SPAG16: variants seen among roughly 807,000 people sequenced by gnomAD.
The protein encoded by SPAG16 is sperm-associated antigen 16 protein.
Under a neutral mutation model 80.4 loss-of-function variants are expected in SPAG16, and 86 were observed. That is an observed-to-expected ratio of 1.07 (90% CI 0.90 to 1.28). The LOEUF (loss-of-function observed/expected upper bound fraction) is 1.28. Among genes scored for constraint, SPAG16 ranks in the 50% most tolerant of loss-of-function variants. The probability of loss-of-function intolerance (pLI) is 0.00; values close to 1 mark genes in which losing one functional copy is unlikely to be tolerated. For synonymous variants in SPAG16, 294 were observed against 265.9 expected (o/e 1.11, Z -1.03); for missense variants, 870 against 765.3 (o/e 1.14, Z -1.61).
chr2:213,449,830 G>T (rs1476080097), intron 9 of SPAG16, among the ~76,000 whole-genome samples: 6 of 151,108 alleles, frequency 4.0e-5, no homozygotes, highest in Non-Finnish European at 7.4e-5. Flanking sequence ...AAAATAAAAT[G>T]TAAATTAAAA....
At chr2:213,644,825 T>A (rs1559339321) in intron 10 of SPAG16, among the ~76,000 whole-genome samples, 1 of 152,312 alleles carries the variant, frequency 6.6e-6, no homozygotes, top group East Asian at 1.9e-4. Flanking sequence ...CAGTGCTGCA[T>A]CTCACCCAAG....
chr2:213,512,057 A>T (rs112213548), intron 10 of SPAG16, among the ~76,000 whole-genome samples: 1 of 152,300 alleles, frequency 6.6e-6, no homozygotes, highest in East Asian at 1.9e-4. Flanking sequence ...ATTTTAGCTT[A>T]ATTAGCTAAA....
chr2:213,596,667 C>A (rs111772841), intron 10 of SPAG16, among the ~76,000 whole-genome samples: 1 of 152,000 alleles, frequency 6.6e-6, no homozygotes, highest in Admixed American at 6.6e-5. Context: ...CTCTATAATC[C>A]TAGTGGGTTG....
chr2:214,192,421 G>GAA lies in SPAG16; in HGVS notation c.1720+43161_1720+43162dup, dbSNP rs11403609. On this transcript the variant is annotated intron_variant, in intron 15 of 15. Transcript: ENST00000331683. ...GAAACTCTTTATTTTCTATTTCTTA[G>GAA]AAAAAAATGGAGATTTGTTTCTTCT... Among the ~76,000 whole-genome samples, 5 of 151,860 alleles carry GAA rather than the reference G, an allele frequency of 3.3e-5. No homozygotes were observed. The South Asian group carries it at 1.0e-3, about 32-fold the overall frequency.
chr2:213,766,583 A>G (rs1459849556), intron 10 of SPAG16, among the ~76,000 whole-genome samples: 1 of 152,204 alleles, frequency 6.6e-6, no homozygotes, highest in Non-Finnish European at 1.5e-5. Context: ...CAAACCAGAG[A>G]AATCTCTGAC....
At chr2:213,682,670 C>A (rs1338042647) in intron 10 of SPAG16, among the ~76,000 whole-genome samples, 1 of 152,018 alleles carries the variant, frequency 6.6e-6, no homozygotes, top group Non-Finnish European at 1.5e-5. Flanking sequence ...TATCTCAGGG[C>A]TGGCATGTTT....
At chr2:213,754,530 T>C (rs973751032) in intron 10 of SPAG16, among the ~76,000 whole-genome samples, 1 of 152,202 alleles carries the variant, frequency 6.6e-6, no homozygotes, top group African/African-American at 2.4e-5. Flanking sequence ...TGTAGCTTCA[T>C]AATTGATGTA....
Position 214,356,878 on chromosome 2 carries a change from C to T in SPAG16, c.1721-53262C>T, listed in dbSNP as rs527577436. Among the ~76,000 whole-genome samples the T allele has an allele frequency of 4.6e-5, 7 of 152,100 alleles. No individual in the cohort carries two copies. The South Asian group carries it at 1.5e-3, about 32-fold the overall frequency. On this transcript the variant is annotated intron_variant, in intron 15 of 15. Transcript: ENST00000331683. ...GTTGTCTCAAGTTTTCTTCTTCTAT[C>T]TCATACCTTTCTTTTGTGGTCATTT...
intron 13 of SPAG16, among the ~76,000 whole-genome samples, chr2:214,050,777 A>T (rs981214855): frequency 6.6e-6 from 1 of 152,090 alleles, no homozygotes; most frequent in Admixed American, 6.6e-5. Context: ...CCTCTCTGTC[A>T]CCAGACTATT....
chr2:214,215,076 T>C (rs566327009), intron 15 of SPAG16, among the ~76,000 whole-genome samples: 2 of 152,128 alleles, frequency 1.3e-5, no homozygotes, highest in African/African-American at 4.8e-5. Flanking sequence ...GGTTAAGAAA[T>C]TCCATCACTC....
chr2:213,729,006 A>T, intron 10 of SPAG16, among the ~76,000 whole-genome samples: 1 of 147,140 alleles, frequency 6.8e-6, no homozygotes, highest in Non-Finnish European at 1.5e-5. Flanking sequence ...CAAACTATTT[A>T]TTTTTTGATG....
intron 10 of SPAG16, among the ~76,000 whole-genome samples, chr2:213,746,738 C>T (rs2067842058): frequency 6.6e-6 from 1 of 152,088 alleles, no homozygotes; most frequent in South Asian, 2.1e-4. Flanking sequence ...ACCCAGGAGG[C>T]AGAAGTTGCA....
chr2:213,689,298 T>C (rs987398719), intron 10 of SPAG16, among the ~76,000 whole-genome samples: 2 of 152,208 alleles, frequency 1.3e-5, no homozygotes, highest in Admixed American at 6.5e-5. Context: ...GTGTCAGTTA[T>C]GGATTGGTTT....
chr2:213,600,156 T>C (rs2061014419), intron 10 of SPAG16, among the ~76,000 whole-genome samples: 1 of 152,204 alleles, frequency 6.6e-6, no homozygotes, highest in Non-Finnish European at 1.5e-5. Context: ...TTATATAAAA[T>C]ATTGAAATAA....
At chr2:213,743,830 T>C (rs999630215) in intron 10 of SPAG16, among the ~76,000 whole-genome samples, 1 of 152,232 alleles carries the variant, frequency 6.6e-6, no homozygotes, top group African/African-American at 2.4e-5. Context: ...TACTTGTCTC[T>C]GTCCCATTTT....
intron 9 of SPAG16, among the ~76,000 whole-genome samples, chr2:213,444,246 A>T (rs935303199): frequency 5.9e-5 from 9 of 152,156 alleles, no homozygotes; most frequent in African/African-American, 9.7e-5. Context: ...AGAAGTTGAG[A>T]GTTAGAGGTT....
intron 15 of SPAG16, among the ~76,000 whole-genome samples, chr2:214,291,732 T>A (rs1431914149): frequency 6.6e-6 from 1 of 152,228 alleles, no homozygotes; most frequent in Non-Finnish European, 1.5e-5. Context: ...TCGGGTTGTG[T>A]TGTATATTTT....
chr2:214,322,251 C>A (rs1477665424), intron 15 of SPAG16, among the ~76,000 whole-genome samples: 2 of 152,112 alleles, frequency 1.3e-5, no homozygotes, highest in Non-Finnish European at 2.9e-5. Context: ...ACATTTCCTC[C>A]CTAAATTCTG....
chr2:214,265,113 A>AG (rs1691460384), intron 15 of SPAG16, among the ~76,000 whole-genome samples: 1 of 152,164 alleles, frequency 6.6e-6, no homozygotes, highest in Admixed American at 6.6e-5. Flanking sequence ...TCTTTTGAGT[A>AG]AACGCTTAGA....
Sources: allele counts gnomAD v4.1 joint callset (sites outside exome capture counted in the v4.1 genomes callset), GRCh38; gene constraint gnomAD v4.1.1; transcripts MANE v1.5; gene names NCBI Gene and HGNC (gene_info 2026-07-23, HGNC 2026-07-21).